NAALAD2: variants seen among roughly 807,000 people sequenced by gnomAD.
NAALAD2 encodes N-acetylated-alpha-linked acidic dipeptidase 2.
Under a neutral mutation model 95.6 loss-of-function variants are expected in NAALAD2, and 89 were observed. That is an observed-to-expected ratio of 0.93 (90% confidence interval 0.78 to 1.11). The LOEUF is 1.11. Ranked by LOEUF, NAALAD2 falls within the 50% of genes least tolerant of loss-of-function variation. The pLI is 0.00. For missense variants in NAALAD2, 894 were observed against 872.4 expected, an observed-to-expected ratio of 1.02 and a Z score of -0.31; for synonymous variants, 264 against 294.4, an observed-to-expected ratio of 0.90 and a Z score of 1.06.
chr11:90,167,294 C>A (rs577084604), intron 11 of NAALAD2, among the ~76,000 whole-genome samples: 1 of 152,180 alleles, frequency 6.6e-6, no homozygotes, highest in Non-Finnish European at 1.5e-5. Flanking sequence ...CGCCGGCCAG[C>A]CTGCAAGCCC....
At chr11:90,138,733 T>A (rs1277823826) in intron 2 of NAALAD2, among the ~76,000 whole-genome samples, 1 of 78,048 alleles carries the variant, frequency 1.3e-5, no homozygotes, top group Non-Finnish European at 2.4e-5. Flanking sequence ...AACTTTTTTT[T>A]TTTTTTTTTT....
chr11:90,179,754 G>A lies in NAALAD2; in HGVS notation c.1858+1637G>A, dbSNP rs190524429. Reference sequence around the variant, plus strand: ...TCTTTTATCAGTTTTTATAAGTCAGGGTCCAATTAAGAGACAGAAACCACA... The same window carrying A: ...TCTTTTATCAGTTTTTATAAGTCAGAGTCCAATTAAGAGACAGAAACCACA... On this transcript the variant is annotated intron_variant, in intron 16 of 18. Transcript: ENST00000534061. Among the ~76,000 whole-genome samples the A allele has an allele frequency of 2.7e-5, 4 of 148,306 alleles. No individual in the cohort carries two copies. The East Asian group carries it at 8.0e-4, about 30-fold the overall frequency.
chr11:90,154,887 A>G (rs28844137), intron 6 of NAALAD2, among the ~76,000 whole-genome samples: 1 of 109,140 alleles, frequency 9.2e-6, no homozygotes, highest in African/African-American at 3.6e-5. Flanking sequence ...TACATAATAT[A>G]TGTATATATT....
intron 11 of NAALAD2, among the ~76,000 whole-genome samples, chr11:90,164,860 T>G (rs923788747): frequency 4.6e-5 from 7 of 152,148 alleles, no homozygotes; most frequent in Non-Finnish European, 2.9e-5. Context: ...TGTAGTAATT[T>G]TTGAGACTCT....
intron 18 of NAALAD2, among the ~76,000 whole-genome samples, chr11:90,188,828 A>G (rs186030017): frequency 7.9e-5 from 12 of 152,258 alleles, no homozygotes; most frequent in Middle Eastern, 3.4e-3. Context: ...TCTATATTCT[A>G]TTACTCCTCG....
chr11:90,151,277 T>C (rs1179422386), intron 5 of NAALAD2, among the ~76,000 whole-genome samples: 2 of 152,180 alleles, frequency 1.3e-5, no homozygotes, highest in Admixed American at 6.6e-5. Context: ...TGAATGACTT[T>C]GTTTGAAAGC....
At chr11:90,140,450 C>CT (rs35964333) in intron 2 of NAALAD2, among the ~76,000 whole-genome samples, 20 of 148,554 alleles carry the variant, frequency 1.3e-4, no homozygotes, top group Non-Finnish European at 2.1e-4. Context: ...CAAACCTCTT[C>CT]TTTTTTTTTT....
intron 13 of NAALAD2, among the ~76,000 whole-genome samples, chr11:90,172,915 G>A (rs997168140): frequency 6.6e-6 from 1 of 152,112 alleles, no homozygotes; most frequent in African/African-American, 2.4e-5. Flanking sequence ...GGTTCAAAGA[G>A]GGGAACAAAT....
Position 90,174,102 on chromosome 11 carries a change from C to T in NAALAD2, c.1502+187C>T, listed in dbSNP as rs553186484. ...ATCCTAGCACTTTGGGAGGCCGAGGCGGGTGGATCACCTGAGGTCAGGCAT... is the reference window on the plus strand; with the variant it reads ...ATCCTAGCACTTTGGGAGGCCGAGGTGGGTGGATCACCTGAGGTCAGGCAT... On this transcript the variant is annotated intron_variant, in intron 14 of 18. Transcript: ENST00000534061. Among the ~76,000 whole-genome samples the T allele has an allele frequency of 1.2e-4, 18 of 152,182 alleles. No individual in the cohort carries two copies. The South Asian group carries it at 3.1e-3, about 26-fold the overall frequency.
chr11:90,138,956 A>T (rs1951529718), intron 2 of NAALAD2, among the ~76,000 whole-genome samples: 1 of 151,890 alleles, frequency 6.6e-6, no homozygotes, highest in Non-Finnish European at 1.5e-5. Flanking sequence ...AAGTTCTGTC[A>T]GGGTTCTCTT....
chr11:90,152,405 T>C lies in NAALAD2; in HGVS notation c.717T>C (p.Pro239=). 22 of 1,613,964 alleles carry C rather than the reference T, an allele frequency of 1.4e-5. No individual in the cohort carries two copies. The highest frequency in any genetic ancestry group is 2.2e-5 in the East Asian group (1 of 44,870). ...VQPYPKGWNL[P]GTAAQRGNVL... The stretch of plus-strand genomic sequence containing the variant: ...CATATCCCAAAGGATGGAATCTTCC[T>C]GGAACTGCAGCCCAGAGAGGAAATG... Residue 239 remains proline, a synonymous_variant, in exon 6 of 19, where the codon CCT becomes CCC. Transcript: ENST00000534061.
intron 2 of NAALAD2, 60 bp downstream of exon 2, chr11:90,135,730 C>T (rs187036724): frequency 7.5e-7 from 1 of 1,341,890 alleles, no homozygotes. Context: ...CAGTGAGAAG[C>T]ATATTATACC....
intron 11 of NAALAD2, among the ~76,000 whole-genome samples, chr11:90,167,352 T>G (rs1036534285): frequency 6.6e-6 from 1 of 152,154 alleles, no homozygotes; most frequent in Non-Finnish European, 1.5e-5. Flanking sequence ...TTGTGCTCGA[T>G]TTCTCGCTGG....
Position 90,177,857 on chromosome 11 carries a change from C to G in NAALAD2, c.1598C>G (p.Thr533Arg), listed in dbSNP as rs1211806290. 2 of 1,590,346 alleles carry G rather than the reference C, an allele frequency of 1.3e-6. No homozygotes were observed. The highest frequency in any genetic ancestry group is 4.5e-5 in the East Asian group (2 of 44,558). The change falls in exon 16 of 19, where the codon ACA (threonine) becomes AGA (arginine). Residue 533 changes from threonine (T) to arginine (R), a missense_variant. Transcript: ENST00000534061. ...GRARYTKNKK[T>R]DKYSSYPVYH... ...GCCTCTCCATTTTTTTTTCAGAAAA[C>G]AGATAAGTACAGCAGCTACCCAGTG...
chr11:90,158,553 T>G, intron 7 of NAALAD2: 1 of 247,032 alleles, frequency 4.0e-6, no homozygotes, highest in Non-Finnish European at 7.7e-6. Context: ...ATATTTATAT[T>G]CAACGTCTAG....
chr11:90,175,985 G>C lies in NAALAD2; in HGVS notation c.1516G>C (p.Gly506Arg), dbSNP rs1267200893. The change falls in exon 15 of 19, where the codon GGA becomes CGA. Residue 506 changes from glycine to arginine, a missense_variant. Coordinates refer to ENST00000534061, the MANE Select transcript of NAALAD2 (RefSeq NM_005467.4). ...TTCTACATCTAGAATCAATAAGCTG[G>C]GATCTGGAAGTGACTTTGAAGCTTA... ...NKNLPRINKL[G>R]SGSDFEAYFQ... The C allele has an allele frequency of 1.2e-6, 2 of 1,608,252 alleles. No homozygotes were observed. Among genetic ancestry groups the C allele is most frequent in the Admixed American group, 3.3e-5 (2 of 59,874 alleles).
chr11:90,146,994 G>GTC, intron 2 of NAALAD2, among the ~76,000 whole-genome samples: 1 of 152,072 alleles, frequency 6.6e-6, no homozygotes, highest in Admixed American at 6.5e-5. Context: ...TTTCCAAAAT[G>GTC]TCTCTGTTCT....
In NAALAD2 at chr11:90,159,340, A is replaced by C; in HGVS notation, c.989+3A>C. 6.2e-7 allele frequency: 1 copy of C among 1,604,340 alleles called. No homozygotes were observed. Among genetic ancestry groups the C allele is most frequent in the Non-Finnish European group, 8.5e-7 (1 of 1,171,570 alleles). On this transcript the variant is annotated splice_donor_region_variant and intron_variant, in intron 8 of 18. Coordinates refer to ENST00000534061, the MANE Select transcript of NAALAD2 (RefSeq NM_005467.4). ...TTTACAGGGAGTGATTCTTTCAGGT[A>C]ATTTTGCATTACTTTAATAGTCTGA...
At chr11:90,157,692 T>C (rs573368229) in intron 6 of NAALAD2, among the ~76,000 whole-genome samples, 70 of 151,778 alleles carry the variant, frequency 4.6e-4, no homozygotes, top group South Asian at 1.9e-3. Context: ...TAAATAAAGA[T>C]GTATTAGGTA....
Sources: gnomAD v4.1 joint callset for allele counts (sites outside exome capture counted in the v4.1 genomes callset) on GRCh38, gnomAD v4.1.1 for gene constraint, MANE v1.5 for transcripts, NCBI Gene and HGNC (gene_info 2026-07-23, HGNC 2026-07-21) for gene names.